Variants in AGTR1 observed in about 807,000 individuals in gnomAD.
AGTR1 encodes the protein angiotensin II receptor type 1.
Under a neutral mutation model 19.4 loss-of-function variants are expected in AGTR1, and 16 were observed. That is an observed-to-expected ratio of 0.82 (90% confidence interval 0.56 to 1.25). The LOEUF is 1.25. AGTR1 is among the 50% of genes most tolerant of loss of function. The probability of loss-of-function intolerance (pLI) is 0.00; values close to 1 mark genes in which losing one functional copy is unlikely to be tolerated. For synonymous variants in AGTR1, 153 were observed against 154.9 expected, an observed-to-expected ratio of 0.99 and a Z score of 0.09; for missense variants, 373 against 431.9, an observed-to-expected ratio of 0.86 and a Z score of 1.21.
Position 148,742,336 on chromosome 3 carries a change from C to G in AGTR1, c.*221C>G. 1 of 677,756 alleles carries G rather than the reference C, an allele frequency of 1.5e-6. No individual in the cohort carries two copies. Among genetic ancestry groups the G allele is most frequent in the Non-Finnish European group, 2.7e-6 (1 of 374,460 alleles). 42.0% of individuals were successfully genotyped at this position (677,756 alleles called of 1,614,324 possible). On this transcript the variant is annotated 3_prime_UTR_variant, in exon 3 of 3. Coordinates refer to ENST00000349243, the MANE Select transcript of AGTR1 (RefSeq NM_000685.5). ...GCCACATTTTGCATTAGACAGATGA[C>G]GGCTGCTCGAAGAACAATGTCAGAA...
intron 1 of AGTR1, among the ~76,000 whole-genome samples, chr3:148,703,415 G>A (rs953057840): frequency 1.3e-5 from 2 of 152,154 alleles, no homozygotes; most frequent in Non-Finnish European, 2.9e-5. Context: ...ACAGTGTACC[G>A]TACCTGTGGC....
In AGTR1 at chr3:148,708,187, T is replaced by A. The variant is rs370664067; in HGVS notation, c.-48+160T>A. On this transcript the variant is annotated intron_variant, in intron 2 of 2. Transcript: ENST00000349243. ...CAGTGTTACCACATCCCCTCCAATA[T>A]ACAGATTAAGAGCGTTTGTATTTAT... Among the ~76,000 whole-genome samples, 230 of 152,132 alleles carry A rather than the reference T, an allele frequency of 1.5e-3. 2 individuals carry two copies. The highest frequency in any genetic ancestry group is 2.9e-3 in the Non-Finnish European group (195 of 68,016).
At chr3:148,711,947 T>A (rs965816851) in intron 2 of AGTR1, among the ~76,000 whole-genome samples, 2 of 152,086 alleles carry the variant, frequency 1.3e-5, no homozygotes, top group African/African-American at 4.8e-5. Flanking sequence ...AGATGTCGTC[T>A]TGCTACATTG....
intron 2 of AGTR1, among the ~76,000 whole-genome samples, chr3:148,719,861 A>AT (rs1713525731): frequency 6.6e-6 from 1 of 152,012 alleles, no homozygotes; most frequent in African/African-American, 2.4e-5. Context: ...AGCTCTCTTT[A>AT]TTTTTTAGTT....
At chr3:148,727,570 C>T (rs1714028433) in intron 2 of AGTR1, among the ~76,000 whole-genome samples, 1 of 152,168 alleles carries the variant, frequency 6.6e-6, no homozygotes. Flanking sequence ...CTCAAATTCC[C>T]TCTTCAGCCT....
intron 1 of AGTR1, among the ~76,000 whole-genome samples, chr3:148,699,387 C>A (rs910858287): frequency 3.3e-5 from 5 of 152,142 alleles, no homozygotes; most frequent in African/African-American, 1.2e-4. Context: ...GAAGAAACTG[C>A]CATACTTCCC....
intron 2 of AGTR1, among the ~76,000 whole-genome samples, chr3:148,740,416 C>T (rs966016973): frequency 6.6e-6 from 1 of 152,168 alleles, no homozygotes; most frequent in African/African-American, 2.4e-5. Context: ...ACCTCCTACG[C>T]CTCTTAAATC....
intron 2 of AGTR1, 67 bp from the exon 3 acceptor site, chr3:148,740,922 A>G: frequency 7.2e-7 from 1 of 1,391,880 alleles, no homozygotes; most frequent in South Asian, 1.3e-5. Flanking sequence ...TGAGAAATGA[A>G]TGTTTGTTAG....
At chr3:148,738,643 A>G (rs12721238) in intron 2 of AGTR1, among the ~76,000 whole-genome samples, 11,933 of 152,210 alleles carry the variant, frequency 0.078, 1,592 homozygotes, top group African/African-American at 0.27. Flanking sequence ...GCCTAGCCCT[A>G]GTTTCTGTTA....
In AGTR1 at chr3:148,733,711, T is replaced by C. The variant is rs544490148; in HGVS notation, c.-47-7278T>C. Among the ~76,000 whole-genome samples the C allele has an allele frequency of 1.7e-4, 26 of 152,348 alleles. No homozygotes were observed. In the South Asian group the frequency reaches 4.8e-3, roughly 28 times the overall value. On this transcript the variant is annotated intron_variant, in intron 2 of 2. Transcript: ENST00000349243. ...CCATGATGGCTGAGATACTAATCCA[T>C]TGAAATGTGGCGATAATTCTTGTGA...
At position 148,733,345 on chromosome 3, in the gene AGTR1, A is replaced by G. The variant is rs148897376; in HGVS notation, c.-47-7644A>G. On this transcript the variant is annotated intron_variant, in intron 2 of 2. Coordinates refer to ENST00000349243, the MANE Select transcript of AGTR1 (RefSeq NM_000685.5). Reference sequence around the variant, plus strand: ...TCTAAAATGAATTGCCATGTGGCCAATAACCCCAACATAATACTCATAATG... The same window carrying G: ...TCTAAAATGAATTGCCATGTGGCCAGTAACCCCAACATAATACTCATAATG... Among the ~76,000 whole-genome samples the G allele has an allele frequency of 1.8e-4, 27 of 152,326 alleles. 1 individual carries two copies. In the East Asian group the frequency reaches 5.2e-3, roughly 29 times the overall value.
chr3:148,701,503 G>A (rs1436161571), intron 1 of AGTR1, among the ~76,000 whole-genome samples: 2 of 152,170 alleles, frequency 1.3e-5, no homozygotes, highest in Non-Finnish European at 2.9e-5. Context: ...TATTCTTATA[G>A]TTAATTTAGA....
intron 2 of AGTR1, among the ~76,000 whole-genome samples, chr3:148,736,081 T>A (rs957131979): frequency 1.3e-5 from 2 of 152,300 alleles, no homozygotes; most frequent in Non-Finnish European, 2.9e-5. Context: ...TTTAATTAGA[T>A]TGGTTTTGGC....
At chr3:148,732,809 C>A (rs201941) in intron 2 of AGTR1, among the ~76,000 whole-genome samples, 4,937 of 142,792 alleles carry the variant, frequency 0.035, 357 homozygotes, top group African/African-American at 0.12. Flanking sequence ...GGCGGGATCT[C>A]GGCTCACTGC....
At chr3:148,699,317 A>G (rs1712182501) in intron 1 of AGTR1, among the ~76,000 whole-genome samples, 1 of 152,134 alleles carries the variant, frequency 6.6e-6, no homozygotes, top group Admixed American at 6.5e-5. Flanking sequence ...AGGGTTTTGG[A>G]TCTCCAGGTG....
At chr3:148,732,121 T>G (rs2107962253) in intron 2 of AGTR1, among the ~76,000 whole-genome samples, 2 of 152,366 alleles carry the variant, frequency 1.3e-5, no homozygotes, top group Middle Eastern at 3.4e-3. Context: ...ATTTTAACAG[T>G]ATCACATTGC....
chr3:148,718,769 C>G (rs1713439175), intron 2 of AGTR1, among the ~76,000 whole-genome samples: 1 of 152,070 alleles, frequency 6.6e-6, no homozygotes, highest in South Asian at 2.1e-4. Flanking sequence ...GGAATTCAAC[C>G]ACTTTAATTT....
At chr3:148,699,970 T>G (rs1712227853) in intron 1 of AGTR1, among the ~76,000 whole-genome samples, 1 of 152,174 alleles carries the variant, frequency 6.6e-6, no homozygotes, top group African/African-American at 2.4e-5. Context: ...GGAAGACTTG[T>G]CTTCCTTGCG....
chr3:148,713,320 AAT>A (rs3039555), intron 2 of AGTR1, among the ~76,000 whole-genome samples: 43,480 of 147,440 alleles, frequency 0.29, 9,191 homozygotes, highest in African/African-American at 0.61. Context: ...GGAGGGGGGG[AAT>A]ATATATATAT....
Sources: gnomAD v4.1 joint callset for allele counts (sites outside exome capture counted in the v4.1 genomes callset) on GRCh38, gnomAD v4.1.1 for gene constraint, MANE v1.5 for transcripts, NCBI Gene and HGNC (gene_info 2026-07-23, HGNC 2026-07-21) for gene names.